ZNF407: variants seen among roughly 807,000 people sequenced by gnomAD.
ZNF407 encodes zinc finger protein 407.
A neutral mutation model predicts 131.2 loss-of-function variants in ZNF407; 17 were observed. The ratio of observed to expected loss-of-function variants is 0.13; its 90% CI spans 0.09 to 0.19. The LOEUF is 0.19. ZNF407 is among the 10% of genes least tolerant of loss of function. ZNF407 has a pLI of 1.00. For missense variants in ZNF407, 2,681 were observed against 2,830.6 expected, an observed-to-expected ratio of 0.95 and a Z score of 1.20; for synonymous variants, 1,156 against 1,062.0, an observed-to-expected ratio of 1.09 and a Z score of -1.72.
At chr18:74,995,307 G>A (rs1442950383) in intron 8 of ZNF407, among the ~76,000 whole-genome samples, 1 of 152,032 alleles carries the variant, frequency 6.6e-6, no homozygotes, top group East Asian at 1.9e-4. Context: ...CATTCTGGAT[G>A]CTGTGTGGAG....
rs374837339 is a variant in ZNF407 at position 74,632,246 on chromosome 18, T to C, written c.1227T>C (p.Ser409=). Reference sequence around the variant, plus strand: ...CCCTTCAGGCAGCACACGGTAACAGTGTAACCTCGAGGCCAAGACCTGAGC... The same window carrying C: ...CCCTTCAGGCAGCACACGGTAACAGCGTAACCTCGAGGCCAAGACCTGAGC... ...KNTLQAAHGN[S]VTSRPRPERN... is the part of the protein sequence containing the mutation. The change falls in exon 2 of 9, where the codon AGT becomes AGC. Residue 409 remains serine (S), a synonymous_variant. Transcript: ENST00000299687. The C allele has an allele frequency of 5.6e-6, 9 of 1,613,810 alleles. No homozygotes were observed. Among genetic ancestry groups the C allele is most frequent in the African/African-American group, 5.3e-5 (4 of 74,930 alleles).
intron 3 of ZNF407, among the ~76,000 whole-genome samples, chr18:74,653,874 T>C (rs1273643943): frequency 6.6e-6 from 1 of 151,854 alleles, no homozygotes; most frequent in African/African-American, 2.4e-5. Flanking sequence ...AAAAAATGAA[T>C]TGACATTGTT....
At chr18:74,978,034 T>C (rs934827205) in intron 8 of ZNF407, among the ~76,000 whole-genome samples, 4 of 152,246 alleles carry the variant, frequency 2.6e-5, no homozygotes, top group African/African-American at 4.8e-5. Context: ...TCTGCACTTA[T>C]GGCACCTTTT....
intron 4 of ZNF407, among the ~76,000 whole-genome samples, chr18:74,807,240 A>G (rs1376938853): frequency 6.6e-6 from 1 of 152,186 alleles, no homozygotes; most frequent in East Asian, 1.9e-4. Context: ...ATTAAAGAGT[A>G]TTCTAGGTGG....
chr18:74,828,739 C>T (rs534955111), intron 4 of ZNF407, among the ~76,000 whole-genome samples: 1 of 129,578 alleles, frequency 7.7e-6, no homozygotes, highest in African/African-American at 2.5e-5. Context: ...TGTCTCGTTG[C>T]ACTCTTTTAA....
chr18:74,866,987 G>GAA (rs35418996), intron 4 of ZNF407, among the ~76,000 whole-genome samples: 1,371 of 62,434 alleles, frequency 0.022, 39 homozygotes, highest in African/African-American at 0.064. Context: ...GTGTCTACCC[G>GAA]AAAAAAAAAA....
chr18:74,953,633 C>T lies in ZNF407; in HGVS notation c.5428+32941C>T, dbSNP rs191049547. On this transcript the variant is annotated intron_variant, in intron 8 of 8. Transcript: ENST00000299687. ...ACGCTAGGCTTCGTTTAGAGAGGAGCTTTTCAACTCTTGTTAGATGTCCTA... is the reference window on the plus strand; with the variant it reads ...ACGCTAGGCTTCGTTTAGAGAGGAGTTTTTCAACTCTTGTTAGATGTCCTA... Among the ~76,000 whole-genome samples, 911 of 152,256 alleles carry T rather than the reference C, an allele frequency of 6.0e-3. 8 individuals are homozygous for T. Among genetic ancestry groups the T allele is most frequent in the Non-Finnish European group, 6.3e-3 (426 of 68,022 alleles).
intron 8 of ZNF407, among the ~76,000 whole-genome samples, chr18:75,000,744 A>C (rs1972835557): frequency 6.6e-6 from 1 of 152,002 alleles, no homozygotes; most frequent in South Asian, 2.1e-4. Context: ...TTCACTATTA[A>C]GTTGTAATTA....
chr18:74,754,066 T>C (rs2144952192), intron 3 of ZNF407, among the ~76,000 whole-genome samples: 1 of 152,330 alleles, frequency 6.6e-6, no homozygotes, highest in Non-Finnish European at 1.5e-5. Flanking sequence ...CTTCCTGGTT[T>C]AGTCTTGGGA....
chr18:75,000,631 G>A (rs1468208229), intron 8 of ZNF407, among the ~76,000 whole-genome samples: 1 of 152,058 alleles, frequency 6.6e-6, no homozygotes, highest in Admixed American at 6.5e-5. Flanking sequence ...TAGCTATCTG[G>A]TTTAAGTTTT....
intron 8 of ZNF407, among the ~76,000 whole-genome samples, chr18:75,050,066 TGTG>T (rs1352681207): frequency 1.3e-5 from 2 of 152,220 alleles, no homozygotes; most frequent in South Asian, 2.1e-4. Flanking sequence ...GTATGTATAA[TGTG>T]GTTCAAATAT....
intron 1 of ZNF407, among the ~76,000 whole-genome samples, chr18:74,623,019 TTGGTG>T (rs895667442): frequency 7.0e-6 from 1 of 142,016 alleles, no homozygotes; most frequent in Non-Finnish European, 1.5e-5. Context: ...TGAATGTGAG[TTGGTG>T]TGTGAGTGCA....
chr18:74,971,077 C>T (rs567036549), intron 8 of ZNF407, among the ~76,000 whole-genome samples: 34 of 152,328 alleles, frequency 2.2e-4, no homozygotes, highest in African/African-American at 7.5e-4. Flanking sequence ...ACATTGGCCC[C>T]TTTCAGCCAT....
intron 7 of ZNF407, among the ~76,000 whole-genome samples, chr18:74,916,210 ATG>A (rs1390351597): frequency 2.4e-5 from 1 of 40,880 alleles, no homozygotes; most frequent in South Asian, 9.8e-4. Flanking sequence ...GTGTGTGTGT[ATG>A]TGTGTGTGTA....
chr18:74,899,609 T>C (rs1971496706), intron 7 of ZNF407, among the ~76,000 whole-genome samples: 2 of 152,148 alleles, frequency 1.3e-5, no homozygotes, highest in South Asian at 2.1e-4. Context: ...CTTGATGTGA[T>C]TGATGTTTTC....
At chr18:74,649,103 C>G (rs1985106115) in intron 3 of ZNF407, among the ~76,000 whole-genome samples, 1 of 152,212 alleles carries the variant, frequency 6.6e-6, no homozygotes, top group Admixed American at 6.5e-5. Context: ...GTAGAATATG[C>G]TACTATCTAG....
At chr18:74,773,979 G>A (rs878983725) in intron 3 of ZNF407, among the ~76,000 whole-genome samples, 1 of 152,178 alleles carries the variant, frequency 6.6e-6, no homozygotes, top group South Asian at 2.1e-4. Context: ...TGACTGTTGG[G>A]CCTGGAAGGC....
rs112486585 is a variant in ZNF407, at chr18:74,882,020, A to C, written c.5128+901A>C. Among the ~76,000 whole-genome samples the C allele has an allele frequency of 2.7e-3, 409 of 152,284 alleles. 2 individuals are homozygous for C. The highest frequency in any genetic ancestry group is 9.6e-3 in the African/African-American group (397 of 41,566). On this transcript the variant is annotated intron_variant, in intron 6 of 8. Coordinates refer to ENST00000299687, the MANE Select transcript of ZNF407 (RefSeq NM_017757.3). ...TCAGATCTCGTGAGACTTATTCACTATCAGGAGAACAGCACAAGAAAGACC... is the reference window on the plus strand; with the variant it reads ...TCAGATCTCGTGAGACTTATTCACTCTCAGGAGAACAGCACAAGAAAGACC...
Position 74,825,483 on chromosome 18 carries a change from C to T in ZNF407, c.4877+43981C>T, listed in dbSNP as rs556972274. The stretch of plus-strand genomic sequence containing the variant: ...AAAATCTCCTTAAGCTGATAATCAA[C>T]TTCACCAAAGTCTCAGGATACAAAA... On this transcript the variant is annotated intron_variant, in intron 4 of 8. Coordinates refer to ENST00000299687, the MANE Select transcript of ZNF407 (RefSeq NM_017757.3). Among the ~76,000 whole-genome samples the T allele has an allele frequency of 2.6e-5, 4 of 152,342 alleles. No individual in the cohort carries two copies. The South Asian group carries it at 8.3e-4, about 32-fold the overall frequency.
Sources: gnomAD v4.1 joint callset for allele counts (sites outside exome capture counted in the v4.1 genomes callset) on GRCh38, gnomAD v4.1.1 for gene constraint, MANE v1.5 for transcripts, NCBI Gene and HGNC (gene_info 2026-07-23, HGNC 2026-07-21) for gene names.